PRKN: variants seen among roughly 807,000 people sequenced by gnomAD.
PRKN encodes parkin RBR E3 ubiquitin protein ligase, also known as E3 ubiquitin-protein ligase parkin.
A neutral mutation model predicts 59.5 loss-of-function variants in PRKN; 56 were observed. The observed-to-expected ratio is 0.94, with a 90% CI of 0.76 to 1.18. The LOEUF is 1.18. Among genes scored for constraint, PRKN ranks in the 50% most tolerant of loss-of-function variants. PRKN has a pLI of 0.00. For synonymous variants in PRKN, 250 were observed against 222.1 expected (o/e 1.13, Z -1.12); for missense variants, 657 against 596.4 (o/e 1.10, Z -1.06).
intron 2 of PRKN, among the ~76,000 whole-genome samples, chr6:162,323,241 A>T (rs1783109687): frequency 6.6e-6 from 1 of 151,962 alleles, no homozygotes; most frequent in Admixed American, 6.6e-5. Flanking sequence ...AAAAAAATGA[A>T]CTTGAAATGG....
rs1193325753 is a variant in PRKN at position 161,377,752 on chromosome 6, A to C, written c.1167+9042T>G. Among the ~76,000 whole-genome samples, 1 of 152,076 alleles carries C rather than the reference A, an allele frequency of 6.6e-6. No homozygotes were observed. Among genetic ancestry groups the C allele is most frequent in the Admixed American group, 6.6e-5 (1 of 15,264 alleles). On this transcript the variant is annotated intron_variant, in intron 10 of 11. Transcript: ENST00000366898. This position sits in a 1 kb window ranked among gnomAD's most constrained non-coding sequence, Gnocchi z 4.2. ...TATAAAGAGAGGGCATTAACCAGTC[A>C]CCTCTCATCCTGTGAGGCCCCAGAG...
At chr6:162,122,749 T>G (rs1436799987) in intron 4 of PRKN, among the ~76,000 whole-genome samples, 1 of 151,812 alleles carries the variant, frequency 6.6e-6, no homozygotes, top group African/African-American at 2.4e-5. Context: ...TATCTATCTA[T>G]CTATCTATCT....
chr6:162,436,671 C>T (rs1291388514), intron 2 of PRKN, among the ~76,000 whole-genome samples: 1 of 120,612 alleles, frequency 8.3e-6, no homozygotes, highest in East Asian at 2.5e-4. Flanking sequence ...AAACTATGTA[C>T]AACTGGAGTA....
chr6:161,905,136 A>G (rs1778093505), intron 6 of PRKN, among the ~76,000 whole-genome samples: 1 of 152,278 alleles, frequency 6.6e-6, no homozygotes, highest in East Asian at 1.9e-4. Flanking sequence ...TTTTTCAACT[A>G]TACCATTATT....
At chr6:162,046,283 C>A (rs1019224405) in intron 5 of PRKN, among the ~76,000 whole-genome samples, 1 of 152,076 alleles carries the variant, frequency 6.6e-6, no homozygotes, top group Non-Finnish European at 1.5e-5. Flanking sequence ...GTTTATAAAC[C>A]GGTATAAAAT....
At position 161,410,261 on chromosome 6, in the gene PRKN, C is replaced by T. The variant is rs1470601425; in HGVS notation, c.1084-23384G>A. ...CATGTCTCAGCTGGTAGCCCTTGTC[C>T]CAGAGCTGGTGGCCTGCTGTGTCCT... On this transcript the variant is annotated intron_variant, in intron 9 of 11. Coordinates refer to ENST00000366898, the MANE Select transcript of PRKN (RefSeq NM_004562.3). This position sits in a 1 kb window ranked among gnomAD's most constrained non-coding sequence, Gnocchi z 5.3. Among the ~76,000 whole-genome samples, 4 of 152,090 alleles carry T rather than the reference C, an allele frequency of 2.6e-5. No homozygotes were observed. Among genetic ancestry groups the T allele is most frequent in the Admixed American group, 6.6e-5 (1 of 15,260 alleles).
At chr6:161,692,780 A>T (rs1381183542) in intron 7 of PRKN, among the ~76,000 whole-genome samples, 1 of 151,822 alleles carries the variant, frequency 6.6e-6, no homozygotes, top group Non-Finnish European at 1.5e-5. Flanking sequence ...GAACAAACAA[A>T]ACCAACCCCC....
intron 6 of PRKN, among the ~76,000 whole-genome samples, chr6:161,890,560 T>C (rs9355368): frequency 0.45 from 67,777 of 152,042 alleles, 15,534 homozygotes; most frequent in African/African-American, 0.55. Flanking sequence ...GATTTAAGCC[T>C]TGGGGGAATG....
intron 6 of PRKN, among the ~76,000 whole-genome samples, chr6:161,916,085 C>G (rs1386588121): frequency 1.3e-5 from 2 of 152,082 alleles, no homozygotes; most frequent in African/African-American, 2.4e-5. Context: ...AAGGAACATC[C>G]AGCTCAAACA....
At chr6:162,111,183 T>C (rs1045770363) in intron 4 of PRKN, among the ~76,000 whole-genome samples, 2 of 152,124 alleles carry the variant, frequency 1.3e-5, no homozygotes, top group African/African-American at 4.8e-5. Context: ...AGATGCACGC[T>C]GGCTGGACAC....
At chr6:161,485,075 A>G (rs9364599) in intron 9 of PRKN, among the ~76,000 whole-genome samples, 63,281 of 152,148 alleles carry the variant, frequency 0.42, 16,113 homozygotes, top group Middle Eastern at 0.58. Flanking sequence ...TTGAGAATCA[A>G]TATGCATAGG....
chr6:162,506,342 C>T lies in PRKN; in HGVS notation c.8-62869G>A, dbSNP rs1466510442. 2.8e-5 allele frequency among the ~76,000 whole-genome samples: 4 copies of T among 142,734 alleles called. No individual in the cohort carries two copies. The Admixed American group carries it at 2.8e-4, about 10-fold the overall frequency. 93.6% of individuals were successfully genotyped at this position (142,734 alleles called of 152,430 possible). A position where few individuals can be genotyped will look rare whatever the true frequency, so the allele number is the denominator to read the frequency against. Reference sequence around the variant, plus strand: ...TTCTACTGAAGTCAAGAGAGTTTTACAATGGAAAGGATCATGTGGTAGAGA... The same window carrying T: ...TTCTACTGAAGTCAAGAGAGTTTTATAATGGAAAGGATCATGTGGTAGAGA... On this transcript the variant is annotated intron_variant, in intron 1 of 11. Coordinates refer to ENST00000366898, the MANE Select transcript of PRKN (RefSeq NM_004562.3).
chr6:161,525,610 C>T lies in PRKN; in HGVS notation c.1083+23244G>A, dbSNP rs530513766. Among the ~76,000 whole-genome samples, 1 of 152,292 alleles carries T rather than the reference C, an allele frequency of 6.6e-6. No individual in the cohort carries two copies. Among genetic ancestry groups the T allele is most frequent in the East Asian group, 1.9e-4 (1 of 5,184 alleles). On this transcript the variant is annotated intron_variant, in intron 9 of 11. Transcript: ENST00000366898. This position sits in a 1 kb window ranked among gnomAD's most constrained non-coding sequence, Gnocchi z 4.7. ...TAGTTTATGAGAAGGCTGTAGGAGGCAGTTCCCGGAGCCTAAGTATTAAAA... is the reference window on the plus strand; with the variant it reads ...TAGTTTATGAGAAGGCTGTAGGAGGTAGTTCCCGGAGCCTAAGTATTAAAA...
rs186105605 is a variant in PRKN at position 162,084,902 on chromosome 6, G to A, written c.535-30728C>T. Among the ~76,000 whole-genome samples, 242 of 151,920 alleles carry A rather than the reference G, an allele frequency of 1.6e-3. 2 individuals are homozygous for A. Among genetic ancestry groups the A allele is most frequent in the Non-Finnish European group, 1.3e-3 (91 of 67,978 alleles). On this transcript the variant is annotated intron_variant, in intron 4 of 11. Transcript: ENST00000366898. ...ATTCCTGTCTCTGTACTGTCAGATA[G>A]CCTGGAATTACAATCAGTAACCTGA... is the stretch of plus-strand genomic sequence containing the variant.
At position 162,339,883 on chromosome 6, in the gene PRKN, T is replaced by A. The variant is rs570855981; in HGVS notation, c.172-77118A>T. ...AAACATGTGCTGTGTCCACTCAGGG[T>A]TGAATGGATTAAGGGCGGTGCAAGA... is the stretch of plus-strand genomic sequence containing the variant. On this transcript the variant is annotated intron_variant, in intron 2 of 11. Transcript: ENST00000366898. 1.4e-3 allele frequency among the ~76,000 whole-genome samples: 206 copies of A among 148,926 alleles called. 1 individual carries two copies. Among genetic ancestry groups the A allele is most frequent in the African/African-American group, 4.8e-3 (193 of 40,252 alleles).
At chr6:162,427,712 C>T (rs1362426330) in intron 2 of PRKN, among the ~76,000 whole-genome samples, 1 of 149,194 alleles carries the variant, frequency 6.7e-6, no homozygotes, top group Non-Finnish European at 1.5e-5. Context: ...GTGGCGCAAT[C>T]TCGGCTCACT....
rs555645639 is a variant in PRKN at position 161,608,728 on chromosome 6, T to C, written c.872-39312A>G. On this transcript the variant is annotated intron_variant, in intron 7 of 11. Transcript: ENST00000366898. ...TTTTTTTTTTAATTTTTAGTAGAGATGGGGTTTCACCATGTGGGCCAGGCT... is the reference window on the plus strand; with the variant it reads ...TTTTTTTTTTAATTTTTAGTAGAGACGGGGTTTCACCATGTGGGCCAGGCT... 2.0e-5 allele frequency among the ~76,000 whole-genome samples: 3 copies of C among 151,390 alleles called. No individual in the cohort carries two copies. In the South Asian group the frequency reaches 6.3e-4, roughly 32 times the overall value.
At chr6:162,363,057 G>A (rs1180769817) in intron 2 of PRKN, among the ~76,000 whole-genome samples, 1 of 149,096 alleles carries the variant, frequency 6.7e-6, no homozygotes, top group African/African-American at 2.5e-5. Flanking sequence ...GAACCCAGGA[G>A]GCAAAGCTTG....
chr6:162,037,544 C>CT lies in PRKN; in HGVS notation c.618+16546dup, dbSNP rs543590715. On this transcript the variant is annotated intron_variant, in intron 5 of 11. Coordinates refer to ENST00000366898, the MANE Select transcript of PRKN (RefSeq NM_004562.3). The stretch of plus-strand genomic sequence containing the variant: ...TTGATTCAAGAGGTTTTACCCTCTG[C>CT]TTTTTTTTTTTTTTTGGTTTTGAGA... Among the ~76,000 whole-genome samples, 1,107 of 137,292 alleles carry CT rather than the reference C, an allele frequency of 8.1e-3. 25 individuals are homozygous for CT. The East Asian group carries it at 0.089, about 11-fold the overall frequency. The allele number at this position is 137,292 out of a possible 152,430, so 90.1% of individuals were successfully genotyped here. A position where few individuals can be genotyped will look rare whatever the true frequency, so the allele number is the denominator to read the frequency against.
Sources: allele counts gnomAD v4.1 joint callset (sites outside exome capture counted in the v4.1 genomes callset), GRCh38; gene constraint gnomAD v4.1.1; non-coding constraint Gnocchi (gnomAD v3.1); transcripts MANE v1.5; gene names NCBI Gene and HGNC (gene_info 2026-07-23, HGNC 2026-07-21).